The following USP8 variants were observed in gnomAD, a reference collection of about 807,000 sequenced individuals.
The protein encoded by USP8 is ubiquitin carboxyl-terminal hydrolase 8.
A neutral mutation model predicts 130.0 loss-of-function variants in USP8; 27 were observed. That is an observed-to-expected ratio of 0.21 (90% CI 0.15 to 0.29). USP8 has a LOEUF of 0.29. Ranked by LOEUF, USP8 falls within the 10% of genes least tolerant of loss-of-function variation. The pLI, the probability that USP8 is intolerant of heterozygous loss-of-function variation, is 1.00. For missense variants in USP8, 1,029 were observed against 1,312.2 expected (o/e 0.78, Z 3.33); for synonymous variants, 392 against 444.1 (o/e 0.88, Z 1.48).
At position 50,509,354 on chromosome 15, in the gene USP8, G is replaced by C. The variant is rs939531058; in HGVS notation, c.*10266G>C. The C allele has an allele frequency of 1.3e-5, 2 of 149,494 alleles. No individual in the cohort carries two copies. The highest frequency in any genetic ancestry group is 6.7e-5 in the Admixed American group (1 of 14,936). 9.3% of individuals were successfully genotyped at this position (149,494 alleles called of 1,614,324 possible). ...TTGGACGTCAATAGTAAGATTTAGA[G>C]AATAAGAGACAAGGCGGCCGGGCGC... On this transcript the variant is annotated 3_prime_UTR_variant, in exon 20 of 20. Coordinates refer to ENST00000307179, the MANE Select transcript of USP8 (RefSeq NM_005154.5).
intron 12 of USP8, among the ~76,000 whole-genome samples, chr15:50,485,320 G>GT (rs2051916576): frequency 2.6e-5 from 4 of 151,714 alleles, no homozygotes; most frequent in Non-Finnish European, 5.9e-5. Flanking sequence ...CGTGGTGGCA[G>GT]GCACCTGTAG....
intron 1 of USP8, among the ~76,000 whole-genome samples, chr15:50,437,795 A>C (rs2050133404): frequency 6.6e-6 from 1 of 152,198 alleles, no homozygotes; most frequent in Non-Finnish European, 1.5e-5. Context: ...TCCATTTGGG[A>C]GTGATAGTGT....
chr15:50,489,744 G>T, intron 12 of USP8, 57 bp from the exon 13 acceptor site: 2 of 1,210,436 alleles, frequency 1.7e-6, no homozygotes, highest in South Asian at 2.0e-5. Flanking sequence ...AAATTTAATT[G>T]AAAAATCAGA....
At chr15:50,457,053 C>G (rs1057468884) in intron 4 of USP8, among the ~76,000 whole-genome samples, 2 of 152,128 alleles carry the variant, frequency 1.3e-5, no homozygotes, top group Non-Finnish European at 2.9e-5. Context: ...CATGAATGAT[C>G]TTATTGATAG....
chr15:50,493,282 A>G, intron 15 of USP8: 1 of 514,178 alleles, frequency 1.9e-6, no homozygotes, highest in Non-Finnish European at 3.9e-6. Context: ...TGAATTTTGG[A>G]ATATTTGACG....
Position 50,508,193 on chromosome 15 carries a change from A to G in USP8, c.*9105A>G, listed in dbSNP as rs1400548013. On this transcript the variant is annotated 3_prime_UTR_variant, in exon 20 of 20. Transcript: ENST00000307179. ...AAAATCAATACTTTTGGAAATTAAA[A>G]AAACACTTCTAAGTAACTTTATAAA... is the stretch of plus-strand genomic sequence containing the variant. 6.6e-6 allele frequency: 1 copy of G among 152,196 alleles called. No homozygotes were observed. Among genetic ancestry groups the G allele is most frequent in the Non-Finnish European group, 1.5e-5 (1 of 68,032 alleles). 9.4% of individuals were successfully genotyped at this position (152,196 alleles called of 1,614,324 possible).
At chr15:50,473,654 C>A (rs1181749042) in intron 8 of USP8, among the ~76,000 whole-genome samples, 1 of 151,466 alleles carries the variant, frequency 6.6e-6, no homozygotes, top group Non-Finnish European at 1.5e-5. Context: ...ACGCACCATG[C>A]CTGGCTAATT....
intron 1 of USP8, among the ~76,000 whole-genome samples, chr15:50,435,020 G>A (rs1042924088): frequency 1.3e-5 from 2 of 152,150 alleles, no homozygotes; most frequent in Non-Finnish European, 2.9e-5. Context: ...GAACACTTCT[G>A]TATAAGTATC....
At position 50,431,113 on chromosome 15, in the gene USP8, T is replaced by C. The variant is rs76143071; in HGVS notation, c.-66+6599T>C. ...TTTTAAACTGCAGTATTACTTTTTTTGTTAATAGCACTACTGCTCTTCATA... is the reference window on the plus strand; with the variant it reads ...TTTTAAACTGCAGTATTACTTTTTTCGTTAATAGCACTACTGCTCTTCATA... On this transcript the variant is annotated intron_variant, in intron 1 of 19. Coordinates refer to ENST00000307179, the MANE Select transcript of USP8 (RefSeq NM_005154.5). Among the ~76,000 whole-genome samples the C allele has an allele frequency of 6.9e-3, 1,051 of 151,894 alleles. 22 individuals are homozygous for C. The highest frequency in any genetic ancestry group is 0.031 in the East Asian group (162 of 5,174).
intron 3 of USP8, among the ~76,000 whole-genome samples, chr15:50,444,191 C>T (rs1206635407): frequency 1.3e-5 from 2 of 150,516 alleles, no homozygotes; most frequent in Non-Finnish European, 3.0e-5. Flanking sequence ...GCAACCTCCA[C>T]CTCCCAAGTT....
chr15:50,439,853 C>A (rs2050198696), intron 2 of USP8, among the ~76,000 whole-genome samples: 1 of 150,560 alleles, frequency 6.6e-6, no homozygotes, highest in Non-Finnish European at 1.5e-5. Flanking sequence ...TTTGGGAGGC[C>A]AAGGTGGGCG....
chr15:50,465,763 G>A (rs114296333), intron 7 of USP8, among the ~76,000 whole-genome samples: 21 of 152,262 alleles, frequency 1.4e-4, no homozygotes, highest in African/African-American at 4.8e-4. Context: ...AATACTTTGT[G>A]TGTGCTTAAG....
rs2052751057 is a variant in USP8 at position 50,512,482 on chromosome 15, G to A, written c.*13394G>A. 1 of 151,876 alleles carries A rather than the reference G, an allele frequency of 6.6e-6. No homozygotes were observed. The highest frequency in any genetic ancestry group is 2.4e-5 in the African/African-American group (1 of 41,310). The allele number at this position is 151,876 out of a possible 1,614,324, so 9.4% of individuals were successfully genotyped here. On this transcript the variant is annotated 3_prime_UTR_variant, in exon 20 of 20. Coordinates refer to ENST00000307179, the MANE Select transcript of USP8 (RefSeq NM_005154.5). ...TGTGGTGATAACTGCACAACTCTGT[G>A]AATGTACTAAAAACTACTGAACTGG...
chr15:50,465,088 A>G lies in USP8; in HGVS notation c.583A>G (p.Lys195Glu), dbSNP rs147742292. Residue 195 changes from lysine (K) to glutamate (E), a missense_variant, in exon 7 of 20, where the codon AAA (lysine) becomes GAA (glutamate). Transcript: ENST00000307179. ...AKELYTMMTD[K>E]NISLIIMDAR... is the part of the protein sequence containing the mutation. ...GGAACTATACACAATGATGACGGAT[A>G]AAAACATCAGCTTGATTATAATGGA... is the stretch of plus-strand genomic sequence containing the variant. The G allele has an allele frequency of 1.9e-3, 3,021 of 1,614,170 alleles. 3 individuals are homozygous for G. The highest frequency in any genetic ancestry group is 1.8e-3 in the Non-Finnish European group (2,167 of 1,180,016).
At chr15:50,454,207 A>G (rs2050716173) in intron 4 of USP8, among the ~76,000 whole-genome samples, 1 of 152,112 alleles carries the variant, frequency 6.6e-6, no homozygotes, top group Non-Finnish European at 1.5e-5. Context: ...ACAGGATTCT[A>G]GGTTGGCAGG....
Position 50,477,004 on chromosome 15 carries a change from G to T in USP8, c.994+11G>T. 6.3e-7 allele frequency: 1 copy of T among 1,594,046 alleles called. No individual in the cohort carries two copies. The highest frequency in any genetic ancestry group is 1.2e-5 in the South Asian group (1 of 86,068). ...AGGTGTCTATCTCATGTATGTATGT[G>T]AAAATTTTTGTTTAAAATTGCTTTG... On this transcript the variant is annotated intron_variant, in intron 9 of 19. Coordinates refer to ENST00000307179, the MANE Select transcript of USP8 (RefSeq NM_005154.5).
Position 50,424,492 on chromosome 15 carries a change from A to G in USP8, c.-88A>G. On this transcript the variant is annotated 5_prime_UTR_variant, in exon 1 of 20. The change abolishes the stop of an existing upstream ORF in the 5' untranslated region. Transcript: ENST00000307179. ...GGCATTTGGCGAGAAGGCTGGCGTTAGTGAAGCGCGCCCGGCGTCACGGTG... is the reference window on the plus strand; with the variant it reads ...GGCATTTGGCGAGAAGGCTGGCGTTGGTGAAGCGCGCCCGGCGTCACGGTG... 2.5e-6 allele frequency: 1 copy of G among 398,738 alleles called. No individual in the cohort carries two copies. The highest frequency in any genetic ancestry group is 4.4e-6 in the Non-Finnish European group (1 of 226,124). 24.7% of individuals were successfully genotyped at this position (398,738 alleles called of 1,614,324 possible). A position where few individuals can be genotyped will look rare whatever the true frequency, so the allele number is the denominator to read the frequency against.
intron 10 of USP8, 76 bp from the exon 11 acceptor site, chr15:50,481,405 C>A: frequency 9.1e-7 from 1 of 1,101,124 alleles, no homozygotes; most frequent in South Asian, 2.1e-5. Flanking sequence ...CTTCTTTTAT[C>A]ACAACTTGAT....
At chr15:50,447,623 C>T (rs180692360) in intron 3 of USP8, among the ~76,000 whole-genome samples, 7 of 151,574 alleles carry the variant, frequency 4.6e-5, no homozygotes, top group Non-Finnish European at 8.8e-5. Flanking sequence ...AGTACAATGG[C>T]GTGATCTCAG....
Sources: gnomAD v4.1 joint callset for allele counts (sites outside exome capture counted in the v4.1 genomes callset) on GRCh38, gnomAD v4.1.1 for gene constraint, MANE v1.5 for transcripts, NCBI Gene and HGNC (gene_info 2026-07-23, HGNC 2026-07-21) for gene names.